Variants in LZTFL1 observed in about 807,000 individuals in gnomAD.
The protein encoded by LZTFL1 is leucine zipper transcription factor-like protein 1.
A neutral mutation model predicts 45.9 loss-of-function variants in LZTFL1; 25 were observed. The observed-to-expected ratio is 0.54, with a 90% CI of 0.40 to 0.76. LZTFL1 has a LOEUF of 0.76. LZTFL1 is among the 30% of genes least tolerant of loss of function. The probability of loss-of-function intolerance (pLI) is 0.00; values close to 1 mark genes in which losing one functional copy is unlikely to be tolerated. For synonymous variants in LZTFL1, 93 were observed against 117.4 expected (o/e 0.79, Z 1.35); for missense variants, 277 against 331.1 (o/e 0.84, Z 1.27).
chr3:45,901,074 C>T lies in LZTFL1; in HGVS notation c.-215+12046G>A, dbSNP rs200200496. On this transcript the variant is annotated intron_variant, in intron 2 of 4. Coordinates refer to the LZTFL1 transcript ENST00000472635. This position sits in a 1 kb window ranked among gnomAD's most constrained non-coding sequence, Gnocchi z 4.3. ...TTTGAATTTGGCAATTGCTGACCTCCTCTTTCTTGTCACTCTTCCCTTCTG... is the reference window on the plus strand; with the variant it reads ...TTTGAATTTGGCAATTGCTGACCTCTTCTTTCTTGTCACTCTTCCCTTCTG... 1 of 1,614,192 alleles carries T rather than the reference C, an allele frequency of 6.2e-7. No homozygotes were observed. Among genetic ancestry groups the T allele is most frequent in the Non-Finnish European group, 8.5e-7 (1 of 1,180,044 alleles).
At chr3:45,907,964 T>C (rs1359115477) in intron 2 of LZTFL1, among the ~76,000 whole-genome samples, 1 of 152,158 alleles carries the variant, frequency 6.6e-6, no homozygotes, top group Non-Finnish European at 1.5e-5. Flanking sequence ...TTTGGAGACT[T>C]GGAGAGTTAG....
chr3:45,832,079 CA>C (rs1700838431), intron 5 of LZTFL1, among the ~76,000 whole-genome samples: 2 of 151,844 alleles, frequency 1.3e-5, no homozygotes, highest in African/African-American at 2.4e-5. Context: ...ACTAAAAATA[CA>C]AAAAATTAGC....
chr3:45,836,550 G>C (rs1031527101), intron 2 of LZTFL1, among the ~76,000 whole-genome samples: 3 of 152,158 alleles, frequency 2.0e-5, no homozygotes, highest in Admixed American at 1.3e-4. Flanking sequence ...AGCTACTTAG[G>C]AGGCTGAGGC....
intron 2 of LZTFL1, among the ~76,000 whole-genome samples, chr3:45,879,470 A>G (rs1316323806): frequency 1.3e-5 from 2 of 152,190 alleles, no homozygotes; most frequent in East Asian, 3.8e-4. Context: ...AAAACTGGAG[A>G]CAGTAAAAAG....
Position 45,826,125 on chromosome 3 carries a change from C to T in LZTFL1, c.*189G>A, listed in dbSNP as rs1700656082. 1.7e-6 allele frequency: 1 copy of T among 593,204 alleles called. No individual in the cohort carries two copies. The highest frequency in any genetic ancestry group is 3.0e-6 in the Non-Finnish European group (1 of 334,136). 36.7% of individuals were successfully genotyped at this position (593,204 alleles called of 1,614,324 possible). On this transcript the variant is annotated 3_prime_UTR_variant, in exon 10 of 10. Transcript: ENST00000296135. ...TCAGTAGAGAGGTGTGTGGGATGAC[C>T]AGACAGAATCACTAGGTTTTCTCTG...
chr3:45,868,887 G>A (rs934608488), intron 2 of LZTFL1, among the ~76,000 whole-genome samples: 1 of 152,158 alleles, frequency 6.6e-6, no homozygotes, highest in Non-Finnish European at 1.5e-5. Flanking sequence ...ACATCCAAAT[G>A]TGGTCCTGGC....
At chr3:45,847,502 C>G (rs1271680506) in intron 4 of LZTFL1, among the ~76,000 whole-genome samples, 1 of 152,188 alleles carries the variant, frequency 6.6e-6, no homozygotes, top group Non-Finnish European at 1.5e-5. Flanking sequence ...CACTTCAACA[C>G]CTTTGACATG....
At chr3:45,837,682 A>C (rs185964532) in intron 2 of LZTFL1, among the ~76,000 whole-genome samples, 2 of 152,182 alleles carry the variant, frequency 1.3e-5, no homozygotes, top group African/African-American at 4.8e-5. Context: ...TTCCTTCTCA[A>C]ACTCTGCCAT....
chr3:45,842,777 T>G (rs1701152912), upstream of LZTFL1, among the ~76,000 whole-genome samples: 3 of 152,190 alleles, frequency 2.0e-5, no homozygotes, highest in Non-Finnish European at 4.4e-5. Context: ...CTGGGCCTTA[T>G]CTCCAGAAAT....
At position 45,823,477 on chromosome 3, in the gene LZTFL1, T is replaced by C. The variant is rs1281390299; in HGVS notation, c.*2837A>G. The C allele has an allele frequency of 6.6e-6, 1 of 152,278 alleles. No homozygotes were observed. Among genetic ancestry groups the C allele is most frequent in the Non-Finnish European group, 1.5e-5 (1 of 68,094 alleles). The allele number at this position is 152,278 out of a possible 1,614,324, so 9.4% of individuals were successfully genotyped here. On this transcript the variant is annotated 3_prime_UTR_variant, in exon 10 of 10. Transcript: ENST00000296135. ...CAATAACAGCTACACGCTTACTTGA[T>C]GAAGGAGCTGATGACACAATCCAAA... is the stretch of plus-strand genomic sequence containing the variant.
At chr3:45,835,846 G>A (rs1244030475) in intron 2 of LZTFL1, 62 bp from the exon 3 acceptor site, 3 of 1,220,108 alleles carry the variant, frequency 2.5e-6, no homozygotes, top group African/African-American at 3.0e-5. Flanking sequence ...ACAAAATACA[G>A]CAAAATTAAG....
intron 2 of LZTFL1, among the ~76,000 whole-genome samples, chr3:45,873,391 A>T (rs747708982): frequency 1.1e-4 from 17 of 152,246 alleles, no homozygotes; most frequent in Non-Finnish European, 2.4e-4. Context: ...GCAATAATTT[A>T]TGAACATTTC....
upstream of LZTFL1, among the ~76,000 whole-genome samples, chr3:45,844,393 C>G (rs964737352): frequency 6.6e-6 from 1 of 151,256 alleles, no homozygotes; most frequent in Non-Finnish European, 1.5e-5. Context: ...TGGGGGGATG[C>G]AGGGGGACTA....
intron 2 of LZTFL1, among the ~76,000 whole-genome samples, chr3:45,889,513 T>A (rs80136777): frequency 0.079 from 11,993 of 152,048 alleles, 615 homozygotes; most frequent in Non-Finnish European, 0.11. Flanking sequence ...ATCTGACAAG[T>A]TATTTTTATG....
At position 45,831,193 on chromosome 3, in the gene LZTFL1, AATT is replaced by A. The variant is rs576725961; in HGVS notation, c.457-58_457-56del. The A allele has an allele frequency of 9.9e-5, 92 of 928,366 alleles. 1 individual carries two copies. In the African/African-American group the frequency reaches 1.4e-3, roughly 14 times the overall value. 57.5% of individuals were successfully genotyped at this position (928,366 alleles called of 1,614,324 possible). The stretch of plus-strand genomic sequence containing the variant: ...TTAACCAAAATATTTTAATATTTGA[AATT>A]ATTACTTGTTTCACTTAAAAATCTA... On this transcript the variant is annotated intron_variant, in intron 5 of 9. Transcript: ENST00000296135.
Position 45,824,014 on chromosome 3 carries a change from T to C in LZTFL1, c.*2300A>G, listed in dbSNP as rs970652843. ...AATTATCATTTAAACATTTATTTAA[T>C]ATAGGTTAAAATGTAATACATAAAG... On this transcript the variant is annotated 3_prime_UTR_variant, in exon 10 of 10. Coordinates refer to ENST00000296135, the MANE Select transcript of LZTFL1 (RefSeq NM_020347.4). 9 of 152,214 alleles carry C rather than the reference T, an allele frequency of 5.9e-5. No homozygotes were observed. The highest frequency in any genetic ancestry group is 1.7e-4 in the African/African-American group (7 of 41,452). The allele number at this position is 152,214 out of a possible 1,614,324, so 9.4% of individuals were successfully genotyped here. A position where few individuals can be genotyped will look rare whatever the true frequency, so the allele number is the denominator to read the frequency against.
intron 1 of LZTFL1, among the ~76,000 whole-genome samples, chr3:45,914,319 C>A (rs983296889): frequency 4.7e-5 from 7 of 150,076 alleles, no homozygotes; most frequent in Non-Finnish European, 8.9e-5. Flanking sequence ...CAGGGTCTCA[C>A]TCTGTCCCCC....
chr3:45,843,360 C>T (rs1272803179), upstream of LZTFL1, among the ~76,000 whole-genome samples: 1 of 152,178 alleles, frequency 6.6e-6, no homozygotes, highest in Non-Finnish European at 1.5e-5. Flanking sequence ...CCTCATAATA[C>T]GTGGTTCTTT....
chr3:45,888,227 T>G (rs537320222), intron 2 of LZTFL1, among the ~76,000 whole-genome samples: 2 of 152,332 alleles, frequency 1.3e-5, no homozygotes, highest in Admixed American at 6.5e-5. Flanking sequence ...CTTTCATGCC[T>G]TAGTGCATAT....
Sources: gnomAD v4.1 joint callset for allele counts (sites outside exome capture counted in the v4.1 genomes callset) on GRCh38, gnomAD v4.1.1 for gene constraint, Gnocchi (gnomAD v3.1) non-coding constraint, MANE v1.5 for transcripts, NCBI Gene and HGNC (gene_info 2026-07-23, HGNC 2026-07-21) for gene names.